The following EPHA6 variants were observed in gnomAD, a reference collection of about 807,000 sequenced individuals.
EPHA6 encodes ephrin type-A receptor 6.
In EPHA6, 50 loss-of-function variants were observed where a neutral mutation model predicts 112.0. The observed-to-expected ratio is 0.45, with a 90% confidence interval of 0.36 to 0.56. EPHA6 has a LOEUF of 0.56. Among genes scored for constraint, EPHA6 ranks in the 20% least tolerant of loss-of-function variants. The pLI is 0.00. For missense variants in EPHA6, 1,280 were observed against 1,417.4 expected (o/e 0.90, Z 1.56); for synonymous variants, 529 against 490.7 (o/e 1.08, Z -1.03).
intron 2 of EPHA6, among the ~76,000 whole-genome samples, chr3:96,871,318 A>G (rs1014838905): frequency 9.9e-5 from 15 of 152,056 alleles, no homozygotes; most frequent in African/African-American, 3.4e-4. Context: ...AGATTATTAG[A>G]AGGATGAAAT....
At chr3:97,556,912 G>A (rs940251172) in intron 11 of EPHA6, among the ~76,000 whole-genome samples, 1 of 152,076 alleles carries the variant, frequency 6.6e-6, no homozygotes, top group South Asian at 2.1e-4. Context: ...ATATTATGGG[G>A]TGATAACCTC....
intron 10 of EPHA6, among the ~76,000 whole-genome samples, chr3:97,496,114 A>G (rs1350190122): frequency 6.6e-6 from 1 of 152,172 alleles, no homozygotes; most frequent in East Asian, 1.9e-4. Context: ...GGTGGACTAA[A>G]TGAATTCACA....
intron 6 of EPHA6, among the ~76,000 whole-genome samples, chr3:97,426,898 TC>T (rs2089167134): frequency 6.6e-6 from 1 of 152,094 alleles, no homozygotes; most frequent in African/African-American, 2.4e-5. Context: ...AACAGATACT[TC>T]TTAAAAGAAG....
chr3:97,285,220 A>G (rs2080424464), intron 5 of EPHA6, among the ~76,000 whole-genome samples: 1 of 152,172 alleles, frequency 6.6e-6, no homozygotes, highest in South Asian at 2.1e-4. Flanking sequence ...TAGAAGTGGA[A>G]GACATTGCAT....
At chr3:97,269,137 C>T (rs1015374171) in intron 5 of EPHA6, among the ~76,000 whole-genome samples, 7 of 152,138 alleles carry the variant, frequency 4.6e-5, no homozygotes, top group Non-Finnish European at 8.8e-5. Flanking sequence ...TCAGTTGTTC[C>T]CAGATTTTAG....
At chr3:96,900,915 C>G (rs796142747) in intron 2 of EPHA6, among the ~76,000 whole-genome samples, 7 of 152,316 alleles carry the variant, frequency 4.6e-5, no homozygotes, top group Admixed American at 1.3e-4. Flanking sequence ...ATGGGAACAA[C>G]TGGAATATCC....
At chr3:96,859,734 T>C (rs138134602) in intron 1 of EPHA6, among the ~76,000 whole-genome samples, 11 of 152,214 alleles carry the variant, frequency 7.2e-5, no homozygotes, top group African/African-American at 2.2e-4. Flanking sequence ...TTATTTCCCT[T>C]TCTGTTGTCT....
intron 3 of EPHA6, among the ~76,000 whole-genome samples, chr3:97,045,135 G>A (rs550663406): frequency 9.6e-4 from 146 of 151,892 alleles, no homozygotes; most frequent in Middle Eastern, 3.4e-3. Context: ...AAACTGTGCC[G>A]TTTTTAAGAC....
intron 3 of EPHA6, among the ~76,000 whole-genome samples, chr3:97,177,847 G>T (rs2108443537): frequency 6.6e-6 from 1 of 152,100 alleles, no homozygotes; most frequent in African/African-American, 2.4e-5. Flanking sequence ...GCCTTTAAAA[G>T]TGAAGTGTGT....
intron 17 of EPHA6, 77 bp downstream of exon 17, chr3:97,747,649 C>T: frequency 7.6e-7 from 1 of 1,307,232 alleles, no homozygotes; most frequent in Non-Finnish European, 1.0e-6. Context: ...ATCAAGAACA[C>T]CTTTCCTTAG....
chr3:97,705,675 C>A (rs771280833), intron 14 of EPHA6, among the ~76,000 whole-genome samples: 6 of 151,978 alleles, frequency 3.9e-5, no homozygotes, highest in Non-Finnish European at 8.8e-5. Flanking sequence ...AAGAACAGAT[C>A]AAGAAGCGTA....
In EPHA6 at chr3:97,515,604, A is replaced by G. The variant is rs141438192; in HGVS notation, c.2201-16754A>G. Among the ~76,000 whole-genome samples the G allele has an allele frequency of 6.6e-3, 998 of 152,292 alleles. 12 individuals are homozygous for G. Among genetic ancestry groups the G allele is most frequent in the African/African-American group, 0.022 (918 of 41,548 alleles). Reference sequence around the variant, plus strand: ...TGTACCTCAAGGGAAGAAATCAGGTAGTATGAGAGGCCATCTGGTAGAGAC... The same window carrying G: ...TGTACCTCAAGGGAAGAAATCAGGTGGTATGAGAGGCCATCTGGTAGAGAC... On this transcript the variant is annotated intron_variant, in intron 10 of 17. Transcript: ENST00000389672.
chr3:97,132,132 C>CATATGTACATATGTACATATGTACAA (rs1469276437), intron 3 of EPHA6, among the ~76,000 whole-genome samples: 5 of 151,980 alleles, frequency 3.3e-5, no homozygotes, highest in Non-Finnish European at 2.9e-5. Context: ...CAAATATGTA[C>CATATGTACATATGTACATATGTACAA]ATATGTATTG....
At chr3:97,488,555 TAAAG>T (rs1418637138) in intron 10 of EPHA6, among the ~76,000 whole-genome samples, 1 of 152,206 alleles carries the variant, frequency 6.6e-6, no homozygotes, top group Non-Finnish European at 1.5e-5. Context: ...TTAGTTATCT[TAAAG>T]AAACTGTATT....
At chr3:97,401,958 G>A (rs2087018683) in intron 5 of EPHA6, among the ~76,000 whole-genome samples, 1 of 151,860 alleles carries the variant, frequency 6.6e-6, no homozygotes, top group East Asian at 1.9e-4. Context: ...CCACGTGTTT[G>A]TGTGGTTTTT....
intron 13 of EPHA6, among the ~76,000 whole-genome samples, chr3:97,629,483 A>T (rs2093885861): frequency 6.6e-6 from 1 of 152,034 alleles, no homozygotes; most frequent in Admixed American, 6.6e-5. Context: ...AATATTCAAT[A>T]GCATGAGTAT....
chr3:96,888,085 C>T (rs550704219), intron 2 of EPHA6, among the ~76,000 whole-genome samples: 1 of 152,212 alleles, frequency 6.6e-6, no homozygotes, highest in East Asian at 1.9e-4. Flanking sequence ...CGGATTTGCA[C>T]CCTCCCCCAA....
intron 3 of EPHA6, among the ~76,000 whole-genome samples, chr3:97,107,110 A>G (rs2047591917): frequency 1.3e-5 from 2 of 152,138 alleles, no homozygotes; most frequent in South Asian, 2.1e-4. Context: ...TACTATTACT[A>G]CTTTGCAGGT....
rs190812723 is a variant in EPHA6 at position 97,676,573 on chromosome 3, A to C, written c.2784+38491A>C. On this transcript the variant is annotated intron_variant, in intron 14 of 17. Coordinates refer to ENST00000389672, the MANE Select transcript of EPHA6 (RefSeq NM_001080448.3). ...GATGGAGCACTGGTCACAGTGAAAAATGAGATCAGCAAAACTTTTTTAAAG... is the reference window on the plus strand; with the variant it reads ...GATGGAGCACTGGTCACAGTGAAAACTGAGATCAGCAAAACTTTTTTAAAG... Among the ~76,000 whole-genome samples, 18 of 152,330 alleles carry C rather than the reference A, an allele frequency of 1.2e-4. No individual in the cohort carries two copies. In the East Asian group the frequency reaches 3.5e-3, roughly 29 times the overall value.
Sources: allele counts gnomAD v4.1 joint callset (sites outside exome capture counted in the v4.1 genomes callset), GRCh38; gene constraint gnomAD v4.1.1; transcripts MANE v1.5; gene names NCBI Gene and HGNC (gene_info 2026-07-23, HGNC 2026-07-21).